TRPV2: variants seen among roughly 807,000 people sequenced by gnomAD.
TRPV2 encodes OTRPC2.
TRPV2 carries 58 observed loss-of-function variants against 91.0 expected under a neutral mutation model. The observed-to-expected ratio is 0.64, with a 90% confidence interval of 0.52 to 0.79. The LOEUF (loss-of-function observed/expected upper bound fraction) is 0.79, where lower values mean the gene tolerates loss of function less well. TRPV2 is among the 30% of genes least tolerant of loss of function. TRPV2 has a pLI of 0.00. For missense variants in TRPV2, 807 were observed against 969.6 expected (o/e 0.83, Z 2.23); for synonymous variants, 417 against 414.8 (o/e 1.01, Z -0.06).
At chr17:16,428,500 T>G in intron 9 of TRPV2, 113 bp downstream of exon 9, 1 of 1,199,796 alleles carries the variant, frequency 8.3e-7, no homozygotes, top group Non-Finnish European at 1.2e-6. Flanking sequence ...GCCCAGGAAG[T>G]CGGGATCTGT....
chr17:16,432,516 A>G (rs541146906), intron 12 of TRPV2, among the ~76,000 whole-genome samples: 4 of 150,644 alleles, frequency 2.7e-5, no homozygotes, highest in South Asian at 2.1e-4. Flanking sequence ...TCACAGCTCA[A>G]TGCAGCCTCG....
At chr17:16,431,292 T>TACA (rs1491493192) in intron 10 of TRPV2, among the ~76,000 whole-genome samples, 10 of 16,286 alleles carry the variant, frequency 6.1e-4, no homozygotes, top group African/African-American at 3.4e-3. Flanking sequence ...TATATACATA[T>TACA]TTTTTTTTTT....
At chr17:16,432,763 T>C (rs1234877197) in intron 12 of TRPV2, among the ~76,000 whole-genome samples, 1 of 151,842 alleles carries the variant, frequency 6.6e-6, no homozygotes, top group Non-Finnish European at 1.5e-5. Context: ...AGGTGCTCAA[T>C]GTGCTACCAG....
Position 16,426,334 on chromosome 17 carries a change from T to C in TRPV2, c.1095+65T>C. 1.3e-6 allele frequency: 2 copies of C among 1,580,912 alleles called. No homozygotes were observed. Among genetic ancestry groups the C allele is most frequent in the East Asian group, 2.3e-5 (1 of 43,822 alleles). On this transcript the variant is annotated intron_variant, in intron 6 of 14. Transcript: ENST00000338560. This position sits in a 1 kb window ranked among gnomAD's most constrained non-coding sequence, Gnocchi z 6.0. ...CAGAGTTTCCAGCAAGGTCCACAAA[T>C]TGGGGCTGCCTGCTGGACCATATCT...
At chr17:16,418,678 G>A (rs918926552) in intron 2 of TRPV2, among the ~76,000 whole-genome samples, 3 of 152,090 alleles carry the variant, frequency 2.0e-5, no homozygotes, top group Non-Finnish European at 2.9e-5. Context: ...GAGCCTGCCC[G>A]ACACAGGCAG....
intron 2 of TRPV2, 37 bp from the exon 3 acceptor site, chr17:16,420,075 GTTC>G: frequency 6.3e-7 from 1 of 1,598,104 alleles, no homozygotes; most frequent in Non-Finnish European, 8.6e-7. Flanking sequence ...GGGGCCTGTG[GTTC>G]TTCTCCAGCA....
In TRPV2 at chr17:16,428,357, C is replaced by T. The variant is rs144417314; in HGVS notation, c.1391C>T (p.Ser464Leu). The T allele has an allele frequency of 9.9e-6, 16 of 1,614,202 alleles. No homozygotes were observed. The highest frequency in any genetic ancestry group is 1.6e-4 in the Middle Eastern group (1 of 6,062). ...CGGCGCCACGTGTTCATCTGGATCT[C>T]GTTCATAGACAGCTACTTTGAAATC... ...FWRRHVFIWI[S>L]FIDSYFEILF... Residue 464 changes from serine to leucine, a missense_variant, in exon 9 of 15, where the codon TCG (serine) becomes TTG (leucine). Transcript: ENST00000338560.
intron 10 of TRPV2, 49 bp from the exon 11 acceptor site, chr17:16,431,735 G>C: frequency 6.3e-7 from 1 of 1,587,762 alleles, no homozygotes. Context: ...CTGGGGTCGT[G>C]ACTGGTGGCC....
At chr17:16,419,873 G>T (rs2093348200) in intron 2 of TRPV2, among the ~76,000 whole-genome samples, 1 of 152,216 alleles carries the variant, frequency 6.6e-6, no homozygotes, top group South Asian at 2.1e-4. Context: ...AAGTGTCTGT[G>T]ATGACTGGCG....
Position 16,433,570 on chromosome 17 carries a change from C to A in TRPV2, c.1990-4C>A. 1 of 1,613,842 alleles carries A rather than the reference C, an allele frequency of 6.2e-7. No individual in the cohort carries two copies. Among genetic ancestry groups the A allele is most frequent in the Non-Finnish European group, 8.5e-7 (1 of 1,179,892 alleles). On this transcript the variant is annotated splice_region_variant and splice_polypyrimidine_tract_variant and intron_variant, in intron 12 of 14. Coordinates refer to ENST00000338560, the MANE Select transcript of TRPV2 (RefSeq NM_016113.5). ...GTTCTGTCTGATGCATCCTTTGTCC[C>A]CAGAAAGCCATCTCTGTCCTGGAGA...
chr17:16,426,698 A>G lies in TRPV2; in HGVS notation c.1096-24A>G, dbSNP rs751243487. ...CTATTTGCACTTGTTGAGTGTACCC[A>G]TGGCTCTCCCCTCCCCACCCCAGCA... On this transcript the variant is annotated intron_variant, in intron 6 of 14. Coordinates refer to ENST00000338560, the MANE Select transcript of TRPV2 (RefSeq NM_016113.5). This position sits in a 1 kb window ranked among gnomAD's most constrained non-coding sequence, Gnocchi z 6.0. The G allele has an allele frequency of 3.1e-6, 5 of 1,605,854 alleles. No individual in the cohort carries two copies. Among genetic ancestry groups the G allele is most frequent in the South Asian group, 1.1e-5 (1 of 89,534 alleles).
chr17:16,434,037 GCT>G (rs1337566514), intron 13 of TRPV2, among the ~76,000 whole-genome samples: 1 of 152,164 alleles, frequency 6.6e-6, no homozygotes, highest in Non-Finnish European at 1.5e-5. Flanking sequence ...TGCCCTGGCT[GCT>G]CTGTGTCCCC....
chr17:16,434,425 A>G (rs369302776), intron 13 of TRPV2, among the ~76,000 whole-genome samples: 157 of 145,310 alleles, frequency 1.1e-3, no homozygotes, highest in African/African-American at 3.3e-3. Context: ...CTGAGATCGC[A>G]CCACTGCACT....
intron 5 of TRPV2, among the ~76,000 whole-genome samples, chr17:16,424,405 C>A (rs1366735310): frequency 6.6e-6 from 1 of 152,016 alleles, no homozygotes; most frequent in East Asian, 1.9e-4. Flanking sequence ...CGTGATCCAC[C>A]CGCTTCGGCC....
At chr17:16,416,581 C>A (rs922536750) in intron 1 of TRPV2, 1 of 152,598 alleles carries the variant, frequency 6.6e-6, no homozygotes, top group Non-Finnish European at 1.5e-5. Flanking sequence ...AGGCTAGGGG[C>A]CTCCCTCCCT....
rs573597014 is a variant in TRPV2 at position 16,432,228 on chromosome 17, C to T, written c.1917C>T (p.Asn639=). ...TGCTCACCTACATCCTGCTGCTCAA[C>T]ATGCTCATCGCCCTCATGAGCGAGA... is the stretch of plus-strand genomic sequence containing the variant. ...YVLLTYILLL[N]MLIALMSETV... The change falls in exon 12 of 15, where the codon AAC becomes AAT. Residue 639 remains asparagine (N), a synonymous_variant. Coordinates refer to ENST00000338560, the MANE Select transcript of TRPV2 (RefSeq NM_016113.5). 4.3e-6 allele frequency: 7 copies of T among 1,614,162 alleles called. No individual in the cohort carries two copies. Among genetic ancestry groups the T allele is most frequent in the South Asian group, 3.3e-5 (3 of 91,092 alleles).
intron 10 of TRPV2, 66 bp downstream of exon 10, chr17:16,429,048 C>T (rs993576588): frequency 1.3e-6 from 2 of 1,559,656 alleles, no homozygotes; most frequent in Middle Eastern, 1.9e-4. Flanking sequence ...CCTTCCTCCA[C>T]AGCTATCCTA....
At chr17:16,431,316 C>A (rs1378494886) in intron 10 of TRPV2, among the ~76,000 whole-genome samples, 4 of 89,734 alleles carry the variant, frequency 4.5e-5, no homozygotes, top group Non-Finnish European at 6.0e-5. Flanking sequence ...TTTTTTGAGA[C>A]GAAGTCTCAC....
At chr17:16,431,724 T>A (rs1199991187) in intron 10 of TRPV2, 60 bp from the exon 11 acceptor site, 3 of 1,516,554 alleles carry the variant, frequency 2.0e-6, no homozygotes, top group Non-Finnish European at 2.7e-6. Flanking sequence ...GAGGCAGGGT[T>A]CTGGGGTCGT....
Sources: allele counts gnomAD v4.1 joint callset (sites outside exome capture counted in the v4.1 genomes callset), GRCh38; gene constraint gnomAD v4.1.1; non-coding constraint Gnocchi (gnomAD v3.1); transcripts MANE v1.5; gene names NCBI Gene and HGNC (gene_info 2026-07-23, HGNC 2026-07-21).